Variants in EPG5 observed in about 807,000 individuals in gnomAD.
The protein encoded by EPG5 is ectopic P granules protein 5 homolog.
Under a neutral mutation model 302.7 loss-of-function variants are expected in EPG5, and 159 were observed. The observed-to-expected ratio is 0.53, with a 90% CI of 0.46 to 0.60. The LOEUF is 0.60. Ranked by LOEUF, EPG5 falls within the 20% of genes least tolerant of loss-of-function variation. The probability of loss-of-function intolerance (pLI) is 0.00; values close to 1 mark genes in which losing one functional copy is unlikely to be tolerated. For missense variants in EPG5, 2,896 were observed against 3,092.4 expected, an observed-to-expected ratio of 0.94 and a Z score of 1.51; for synonymous variants, 1,158 against 1,136.8, an observed-to-expected ratio of 1.02 and a Z score of -0.37.
Position 45,927,808 on chromosome 18 carries a change from A to G in EPG5, c.2553+1061T>C, listed in dbSNP as rs184350637. 5.9e-4 allele frequency among the ~76,000 whole-genome samples: 90 copies of G among 152,332 alleles called. 1 individual carries two copies. Among genetic ancestry groups the G allele is most frequent in the Admixed American group, 5.8e-3 (88 of 15,304 alleles). On this transcript the variant is annotated intron_variant, in intron 13 of 43. Coordinates refer to ENST00000282041, the MANE Select transcript of EPG5 (RefSeq NM_020964.3). ...AATAGGCAAAAATCTAGAGACAGAC[A>G]TTAGATTAGGGCTTAGGGCCCTAAT... is the stretch of plus-strand genomic sequence containing the variant.
the EPG5 span, chr18:45,838,717 G>C: frequency 6.4e-7 from 1 of 1,571,490 alleles, no homozygotes; most frequent in Non-Finnish European, 8.6e-7. Flanking sequence ...CTCCCCTGCA[G>C]CCGCGCCGCG....
At chr18:45,817,750 G>C in the EPG5 span, among the ~76,000 whole-genome samples, 5 of 152,208 alleles carry the variant, frequency 3.3e-5, no homozygotes, top group Non-Finnish European at 5.9e-5. Flanking sequence ...AGTAACAAAA[G>C]AGAGAGCAAC....
chr18:45,862,705 A>G (rs1015573390), intron 39 of EPG5, among the ~76,000 whole-genome samples: 7 of 152,212 alleles, frequency 4.6e-5, no homozygotes, highest in Non-Finnish European at 1.0e-4. Flanking sequence ...AGGCCTCTCC[A>G]GAGGCCGAGC....
At chr18:45,887,644 T>C (rs1465944710) in intron 29 of EPG5, 107 bp downstream of exon 29, 10 of 987,544 alleles carry the variant, frequency 1.0e-5, no homozygotes, top group Non-Finnish European at 1.1e-5. Flanking sequence ...TGGGTAAGAC[T>C]CTGAACCTGT....
chr18:45,805,841 T>C, the EPG5 span, among the ~76,000 whole-genome samples: 1 of 152,202 alleles, frequency 6.6e-6, no homozygotes, highest in African/African-American at 2.4e-5. Flanking sequence ...CTTTAAAATA[T>C]ATAAAACAAA....
At chr18:45,959,801 G>A (rs1418660757) in intron 1 of EPG5, among the ~76,000 whole-genome samples, 1 of 152,010 alleles carries the variant, frequency 6.6e-6, no homozygotes, top group Non-Finnish European at 1.5e-5. Flanking sequence ...CCAACATGGT[G>A]AAGCCCCATC....
chr18:45,951,329 C>A, intron 3 of EPG5, 91 bp from the exon 4 acceptor site: 1 of 943,314 alleles, frequency 1.1e-6, no homozygotes, highest in Non-Finnish European at 1.4e-6. Flanking sequence ...ACAACAAAAA[C>A]CTTTAAAATA....
intron 39 of EPG5, among the ~76,000 whole-genome samples, chr18:45,862,604 TC>T (rs11289684): frequency 1 from 152,230 of 152,232 alleles, 76,114 homozygotes; most frequent in Middle Eastern, 1. Flanking sequence ...GTGCAACATC[TC>T]CCCCCTTGCT....
At chr18:45,959,276 G>A (rs1247499576) in intron 1 of EPG5, among the ~76,000 whole-genome samples, 1 of 151,962 alleles carries the variant, frequency 6.6e-6, no homozygotes, top group African/African-American at 2.4e-5. Flanking sequence ...GGGAGGCGGA[G>A]GTTGCAGTGA....
At chr18:45,964,630 A>G (rs1017573481) in intron 1 of EPG5, among the ~76,000 whole-genome samples, 2 of 151,594 alleles carry the variant, frequency 1.3e-5, no homozygotes, top group African/African-American at 4.9e-5. Flanking sequence ...CTGGGCCTGG[A>G]TAGTTCTTTA....
intron 8 of EPG5, 135 bp downstream of exon 8, chr18:45,943,870 G>A (rs945204997): frequency 2.9e-5 from 17 of 583,732 alleles, no homozygotes; most frequent in African/African-American, 9.4e-5. Flanking sequence ...GCAGTGAGCC[G>A]AGATCGCGCC....
chr18:45,901,765 CCACACACACA>C (rs58432761), intron 25 of EPG5, among the ~76,000 whole-genome samples: 7 of 146,660 alleles, frequency 4.8e-5, no homozygotes, highest in African/African-American at 1.2e-4. Flanking sequence ...CAATCCTGTG[CCACACACACA>C]CACACACACA....
At chr18:45,845,211 G>A (rs778048634), downstream of EPG5, among the ~76,000 whole-genome samples, 12 of 152,290 alleles carry the variant, frequency 7.9e-5, no homozygotes, top group Middle Eastern at 3.4e-3. Context: ...ACCCTTCTGC[G>A]GTACTTGCAT....
chr18:45,830,583 C>CTTTTTTTTTTTTT, the EPG5 span, among the ~76,000 whole-genome samples: 9 of 96,734 alleles, frequency 9.3e-5, no homozygotes, highest in Non-Finnish European at 1.3e-4. Flanking sequence ...ATTTTTCTTT[C>CTTTTTTTTTTTTT]TTTTTTTTTT....
At chr18:45,884,577 T>A in intron 30 of EPG5, 40 bp downstream of exon 30, 2 of 1,525,780 alleles carry the variant, frequency 1.3e-6, no homozygotes, top group Non-Finnish European at 1.8e-6. Context: ...CAATCATTCC[T>A]ACGTTTCAAC....
the EPG5 span, among the ~76,000 whole-genome samples, chr18:45,801,635 T>C: frequency 6.6e-6 from 1 of 152,170 alleles, no homozygotes; most frequent in African/African-American, 2.4e-5. Context: ...GTCAGTTTTA[T>C]TCATTCCCCT....
chr18:45,837,503 C>G, the EPG5 span: 3 of 1,480,730 alleles, frequency 2.0e-6, no homozygotes, highest in Non-Finnish European at 2.7e-6. Context: ...GCAGCCCGCC[C>G]CGCCCTCAGG....
intron 7 of EPG5, among the ~76,000 whole-genome samples, chr18:45,944,330 A>G (rs1369783310): frequency 1.3e-5 from 2 of 152,228 alleles, no homozygotes; most frequent in Admixed American, 1.3e-4. Context: ...GCACAATTTT[A>G]TATGTATCTG....
chr18:45,952,455 T>C lies in EPG5; in HGVS notation c.1197A>G (p.Ala399=). 1 of 1,614,206 alleles carries C rather than the reference T, an allele frequency of 6.2e-7. No individual in the cohort carries two copies. Among genetic ancestry groups the C allele is most frequent in the Non-Finnish European group, 8.5e-7 (1 of 1,180,034 alleles). The change falls in exon 3 of 44, where the codon GCA becomes GCG. Residue 399 remains alanine (A), a synonymous_variant. Transcript: ENST00000282041. ...SRLQVESYIY[A]LLSSSAVLRS... ...TCAGAACAGCTGAACTACTGAGCAA[T>C]GCATAGATGTAAGACTCCACTTGCA... is the stretch of plus-strand genomic sequence containing the variant.
Sources: allele counts gnomAD v4.1 joint callset (sites outside exome capture counted in the v4.1 genomes callset), GRCh38; gene constraint gnomAD v4.1.1; transcripts MANE v1.5; gene names NCBI Gene and HGNC (gene_info 2026-07-23, HGNC 2026-07-21).